Variants in KIDINS220 observed in about 807,000 individuals in gnomAD.
KIDINS220 encodes the protein kinase D-interacting substrate of 220 kDa.
Under a neutral mutation model 157.6 loss-of-function variants are expected in KIDINS220, and 63 were observed. The ratio of observed to expected loss-of-function variants is 0.40; its 90% confidence interval spans 0.33 to 0.49. KIDINS220 has a LOEUF of 0.49. Ranked by LOEUF, KIDINS220 falls within the 20% of genes least tolerant of loss-of-function variation. KIDINS220 has a pLI of 0.66. For missense variants in KIDINS220, 1,772 were observed against 2,171.2 expected (o/e 0.82, Z 3.65); for synonymous variants, 732 against 783.6 (o/e 0.93, Z 1.10).
chr2:8,778,681 C>G lies in KIDINS220; in HGVS notation c.2661G>C (p.Gly887=), dbSNP rs771942044. ...TCTTGCTACCAAGTTTTGTCATCTC[C>G]CCAAGGCTGTTCTGTGAAACTCTTC... ...ADRRVSQNSL[G]EMTKLGSKTA... is the part of the protein sequence containing the mutation. Residue 887 remains glycine, a synonymous_variant, in exon 20 of 30, where the codon GGG becomes GGC. Transcript: ENST00000256707. The G allele has an allele frequency of 1.2e-6, 2 of 1,613,916 alleles. No homozygotes were observed. The highest frequency in any genetic ancestry group is 4.5e-5 in the East Asian group (2 of 44,896).
intron 8 of KIDINS220, 23 bp from the exon 9 acceptor site, chr2:8,800,521 CAAA>C (rs1674545203): frequency 1.3e-6 from 2 of 1,499,450 alleles, no homozygotes; most frequent in South Asian, 1.2e-5. Flanking sequence ...AAAATAAAAA[CAAA>C]AACAAGGTAA....
chr2:8,788,271 CTTT>C (rs35484190), intron 15 of KIDINS220, among the ~76,000 whole-genome samples: 2 of 146,248 alleles, frequency 1.4e-5, no homozygotes. Context: ...ATTCTATAAA[CTTT>C]TTTTTTTTTT....
At chr2:8,818,873 T>C in intron 2 of KIDINS220, 80 bp from the exon 3 acceptor site, 1 of 668,686 alleles carries the variant, frequency 1.5e-6, no homozygotes. Context: ...ATACCACACA[T>C]TTTCATGAAT....
chr2:8,775,249 T>C (rs1670809580), intron 21 of KIDINS220, among the ~76,000 whole-genome samples: 1 of 152,184 alleles, frequency 6.6e-6, no homozygotes, highest in Non-Finnish European at 1.5e-5. Context: ...AACAAGCAAC[T>C]GAAGAGCTAT....
At chr2:8,789,345 T>C (rs1457517599) in intron 14 of KIDINS220, among the ~76,000 whole-genome samples, 2 of 50,996 alleles carry the variant, frequency 3.9e-5, no homozygotes, top group Non-Finnish European at 1.3e-4. Context: ...TGGAGAGCAG[T>C]GGCGCCATCT....
chr2:8,732,806 G>A (rs979333770), intron 29 of KIDINS220, among the ~76,000 whole-genome samples: 3 of 152,030 alleles, frequency 2.0e-5, no homozygotes, highest in Middle Eastern at 3.2e-3. Flanking sequence ...GCTGCCGCCC[G>A]CTGTGCCTCC....
chr2:8,748,261 C>T (rs1666853713), intron 24 of KIDINS220, among the ~76,000 whole-genome samples: 1 of 152,134 alleles, frequency 6.6e-6, no homozygotes, highest in South Asian at 2.1e-4. Context: ...TACAGTTTGA[C>T]ACGAGTTTCT....
intron 26 of KIDINS220, among the ~76,000 whole-genome samples, chr2:8,740,831 G>C (rs1665524306): frequency 6.6e-6 from 1 of 152,204 alleles, no homozygotes. Context: ...ACTGCTGGCA[G>C]TTATTCTTCT....
intron 6 of KIDINS220, among the ~76,000 whole-genome samples, chr2:8,812,033 C>T (rs1227740741): frequency 6.6e-6 from 1 of 152,160 alleles, no homozygotes; most frequent in African/African-American, 2.4e-5. Flanking sequence ...ACAAGAGAAA[C>T]ATAACCAAAC....
chr2:8,731,823 T>C lies in KIDINS220; in HGVS notation c.4213A>G (p.Thr1405Ala), dbSNP rs1456352992. The change falls in exon 30 of 30, where the codon ACC becomes GCC. Residue 1405 changes from threonine (T) to alanine (A), a missense_variant. This residue lies in a region of KIDINS220 where 793 missense variants were observed against 885.5 expected (regional missense o/e 0.90). Transcript: ENST00000256707. The surrounding 1 kb of genome is among the most constrained non-coding windows in gnomAD (Gnocchi z 5.2). ...SQLEGGPGST[T>A]ISGRSSPHST... ...TGTGGAGAAGATCTGCCACTAATGG[T>C]TGTAGACCCGGGGCCCCCTTCTAAC... is the stretch of plus-strand genomic sequence containing the variant. 6 of 1,614,130 alleles carry C rather than the reference T, an allele frequency of 3.7e-6. No individual in the cohort carries two copies. The highest frequency in any genetic ancestry group is 5.1e-6 in the Non-Finnish European group (6 of 1,180,010).
chr2:8,797,475 A>G (rs1674131293), intron 10 of KIDINS220, among the ~76,000 whole-genome samples: 1 of 152,178 alleles, frequency 6.6e-6, no homozygotes. Context: ...AAAAAGAAAA[A>G]AGAGGATTAA....
chr2:8,734,540 A>G (rs1664603091), intron 28 of KIDINS220, 115 bp downstream of exon 28: 7 of 653,312 alleles, frequency 1.1e-5, no homozygotes, highest in Non-Finnish European at 1.5e-5. Context: ...AAATATGAAA[A>G]AAATACCAGT....
intron 22 of KIDINS220, among the ~76,000 whole-genome samples, chr2:8,752,322 A>AT (rs372075394): frequency 0.059 from 8,899 of 150,010 alleles, 342 homozygotes; most frequent in Middle Eastern, 0.16. Flanking sequence ...CAGTCTAAAA[A>AT]TTTTTTTTTT....
chr2:8,765,397 C>T (rs1669339281), intron 22 of KIDINS220, among the ~76,000 whole-genome samples: 7 of 152,084 alleles, frequency 4.6e-5, no homozygotes, highest in Admixed American at 4.6e-4. Flanking sequence ...TCACTCTCAA[C>T]CAGGGGTTTG....
At chr2:8,765,010 G>A (rs968692246) in intron 22 of KIDINS220, among the ~76,000 whole-genome samples, 2 of 151,910 alleles carry the variant, frequency 1.3e-5, no homozygotes, top group African/African-American at 4.9e-5. Context: ...ATCTAATAAA[G>A]CCTCGAAGGA....
Position 8,731,972 on chromosome 2 carries a change from C to T in KIDINS220, c.4064G>A (p.Arg1355His), listed in dbSNP as rs781321317. ...GAGACTCGAAAGACTTGGGGTTCTG[C>T]GAGTTTGTGACTGTGAAGACAGAAA... is the stretch of plus-strand genomic sequence containing the variant. ...HSNLSWQSQT[R>H]RTPSLSSLNS... Residue 1355 changes from arginine to histidine, a missense_variant, in exon 30 of 30, where the codon CGC becomes CAC. By Grantham distance (29) the Arg-to-His change is conservative. This residue lies in a region of KIDINS220 where 793 missense variants were observed against 885.5 expected (regional missense o/e 0.90). Transcript: ENST00000256707. This position sits in a 1 kb window ranked among gnomAD's most constrained non-coding sequence, Gnocchi z 5.2. 4.0e-5 allele frequency: 63 copies of T among 1,566,814 alleles called. No homozygotes were observed. The highest frequency in any genetic ancestry group is 1.4e-4 in the East Asian group (6 of 44,084).
chr2:8,813,426 C>A (rs1431082447), intron 4 of KIDINS220, 91 bp from the exon 5 acceptor site: 3 of 854,970 alleles, frequency 3.5e-6, no homozygotes, highest in Non-Finnish European at 5.6e-6. Flanking sequence ...TAGTAAATAT[C>A]TTTATAAATC....
intron 28 of KIDINS220, 122 bp from the exon 29 acceptor site, chr2:8,733,802 G>C (rs1212414334): frequency 7.8e-6 from 5 of 637,596 alleles, no homozygotes; most frequent in South Asian, 2.7e-5. Context: ...CATACTTCTG[G>C]TAAGTGAATT....
rs530238897 is a variant in KIDINS220, at chr2:8,731,643, C to T, written c.4393G>A (p.Val1465Ile). Residue 1465 changes from valine (V) to isoleucine (I), a missense_variant, in exon 30 of 30, where the codon GTT becomes ATT. By Grantham distance (29) the Val-to-Ile change is conservative (BLOSUM62 3). Transcript: ENST00000256707. This position sits in a 1 kb window ranked among gnomAD's most constrained non-coding sequence, Gnocchi z 5.2. ...AGGGGGGAAGCATCGTTGGTGGAAA[C>T]CCCTGATGATGAATAATCGATAACA... ...GDVIDYSSSG[V>I]STNDASPLDP... The T allele has an allele frequency of 2.0e-5, 33 of 1,614,136 alleles. No homozygotes were observed. The South Asian group carries it at 3.1e-4, about 15-fold the overall frequency.
Sources: gnomAD v4.1 joint callset for allele counts (sites outside exome capture counted in the v4.1 genomes callset) on GRCh38, gnomAD v4.1.1 for gene constraint, gnomAD v4.1.1 regional missense constraint, Gnocchi (gnomAD v3.1) non-coding constraint, MANE v1.5 for transcripts, NCBI Gene and HGNC (gene_info 2026-07-23, HGNC 2026-07-21) for gene names.